Variants in PI4KA observed in about 807,000 individuals in gnomAD.
PI4KA encodes PI4-kinase alpha.
Under a neutral mutation model 271.4 loss-of-function variants are expected in PI4KA, and 122 were observed. The ratio of observed to expected loss-of-function variants is 0.45; its 90% CI spans 0.39 to 0.52. PI4KA has a LOEUF of 0.52. PI4KA is among the 20% of genes least tolerant of loss of function. The pLI is 0.00. For synonymous variants in PI4KA, 1,041 were observed against 1,078.8 expected (o/e 0.96, Z 0.69); for missense variants, 1,969 against 2,769.1 (o/e 0.71, Z 6.48).
At chr22:20,833,357 T>G (rs1026629574) in intron 3 of PI4KA, among the ~76,000 whole-genome samples, 2 of 152,212 alleles carry the variant, frequency 1.3e-5, no homozygotes, top group African/African-American at 4.8e-5. Context: ...TATTTGCTTG[T>G]GACAGCAGCA....
At chr22:20,843,670 C>T (rs150640577) in intron 1 of PI4KA, among the ~76,000 whole-genome samples, 2 of 152,260 alleles carry the variant, frequency 1.3e-5, no homozygotes, top group East Asian at 3.9e-4. Flanking sequence ...AGCAAACGTT[C>T]ACTTTCAGGC....
At chr22:20,787,595 C>G (rs1011602536) in intron 19 of PI4KA, 1 of 180,100 alleles carries the variant, frequency 5.6e-6, no homozygotes. Flanking sequence ...TTTCTCAAAG[C>G]CTGACCTTTC....
intron 19 of PI4KA, chr22:20,787,450 G>A (rs1043711535): frequency 1.5e-5 from 5 of 342,598 alleles, no homozygotes; most frequent in South Asian, 2.4e-5. Flanking sequence ...TGAATACCAA[G>A]CACAGAAATG....
In PI4KA at chr22:20,727,382, G is replaced by A; in HGVS notation, c.4789C>T (p.His1597Tyr). The change falls in exon 41 of 55, where the codon CAC (histidine) becomes TAC (tyrosine). Residue 1597 changes from histidine to tyrosine, a missense_variant. Transcript: ENST00000255882. ...PEAIKFLVTWHTIDADAPELS... is the reference protein window; with the variant it reads ...PEAIKFLVTWYTIDADAPELS... ...TCTGGAGCATCGGCGTCGATGGTGT[G>A]CCAGGTGACCAGGAACTGCAGAGAA... is the stretch of plus-strand genomic sequence containing the variant. 6.2e-7 allele frequency: 1 copy of A among 1,605,150 alleles called. No homozygotes were observed. The highest frequency in any genetic ancestry group is 8.5e-7 in the Non-Finnish European group (1 of 1,175,940).
chr22:20,768,677 C>T (rs1205959290), intron 19 of PI4KA, among the ~76,000 whole-genome samples: 4 of 152,188 alleles, frequency 2.6e-5, no homozygotes, highest in African/African-American at 9.7e-5. Flanking sequence ...GAAGGCTCCA[C>T]ACCTCTGCTT....
At chr22:20,810,871 C>T in intron 9 of PI4KA, 96 bp downstream of exon 9, 1 of 910,244 alleles carries the variant, frequency 1.1e-6, no homozygotes, top group South Asian at 1.3e-5. Context: ...ACTGCAAAAC[C>T]CCTTCCACTC....
At chr22:20,785,939 A>C in intron 19 of PI4KA, 1 of 1,591,166 alleles carries the variant, frequency 6.3e-7, no homozygotes, top group Non-Finnish European at 8.6e-7. Flanking sequence ...TTTAAAGGGA[A>C]AATCATGATT....
chr22:20,843,391 G>A (rs178059), intron 1 of PI4KA, among the ~76,000 whole-genome samples: 57,786 of 151,886 alleles, frequency 0.38, 11,481 homozygotes, highest in African/African-American at 0.48. Flanking sequence ...TCGGGGATCC[G>A]AGGAGGGAAG....
Position 20,732,161 on chromosome 22 carries a change from A to G in PI4KA, c.4288+810T>C, listed in dbSNP as rs577360740. Among the ~76,000 whole-genome samples the G allele has an allele frequency of 2.2e-4, 34 of 152,036 alleles. 1 individual carries two copies. Among genetic ancestry groups the G allele is most frequent in the African/African-American group, 7.7e-4 (32 of 41,486 alleles). On this transcript the variant is annotated intron_variant, in intron 36 of 54. Coordinates refer to ENST00000255882, the MANE Select transcript of PI4KA (RefSeq NM_058004.4). Reference sequence around the variant, plus strand: ...TGCACTCCAGCCTGGGCGACAGATCAATACTCTGTCTCAAAAAAATAAAAT... The same window carrying G: ...TGCACTCCAGCCTGGGCGACAGATCGATACTCTGTCTCAAAAAAATAAAAT...
rs1924615404 is a variant in PI4KA, at chr22:20,834,551, T to C, written c.367+11A>G. 4 of 1,504,006 alleles carry C rather than the reference T, an allele frequency of 2.7e-6. No individual in the cohort carries two copies. Among genetic ancestry groups the C allele is most frequent in the East Asian group, 4.5e-5 (2 of 44,364 alleles). 93.2% of individuals were successfully genotyped at this position (1,504,006 alleles called of 1,614,324 possible). On this transcript the variant is annotated intron_variant, in intron 3 of 54. Coordinates refer to ENST00000255882, the MANE Select transcript of PI4KA (RefSeq NM_058004.4). ...TCTCTTATATTCAGGGAAAACATTATATACAATTACCTCTGCCTTTCCGAG... is the reference window on the plus strand; with the variant it reads ...TCTCTTATATTCAGGGAAAACATTACATACAATTACCTCTGCCTTTCCGAG...
intron 26 of PI4KA, 109 bp downstream of exon 26, chr22:20,751,565 G>A (rs1454448929): frequency 4.7e-6 from 5 of 1,056,550 alleles, no homozygotes; most frequent in African/African-American, 4.7e-5. Context: ...CATTAATTAT[G>A]TTCAGGCTTA....
rs75388890 is a variant in PI4KA at position 20,718,401 on chromosome 22, G to A, written c.5246+292C>T. Among the ~76,000 whole-genome samples, 138 of 152,294 alleles carry A rather than the reference G, an allele frequency of 9.1e-4. 3 individuals are homozygous for A. In the East Asian group the frequency reaches 0.023, roughly 25 times the overall value. The stretch of plus-strand genomic sequence containing the variant: ...AGAGGGCAGGGTGGCCTCAAATTGT[G>A]GAGCCATGTGCTAAATTCCACAAAC... On this transcript the variant is annotated intron_variant, in intron 44 of 54. Transcript: ENST00000255882.
chr22:20,796,424 C>A, intron 17 of PI4KA, 110 bp from the exon 18 acceptor site: 1 of 884,616 alleles, frequency 1.1e-6, no homozygotes. Flanking sequence ...GCCTGCCTTA[C>A]CACACTCCTC....
intron 19 of PI4KA, chr22:20,779,591 C>T (rs1021150977): frequency 1.1e-5 from 17 of 1,614,106 alleles, no homozygotes; most frequent in African/African-American, 2.7e-5. Flanking sequence ...ACGACTACAT[C>T]GACATCGTCG....
At chr22:20,852,016 C>G (rs949338886) in intron 1 of PI4KA, among the ~76,000 whole-genome samples, 2 of 152,034 alleles carry the variant, frequency 1.3e-5, no homozygotes, top group African/African-American at 2.4e-5. Flanking sequence ...CCCAGCTACT[C>G]GGGAGGCTGA....
intron 2 of PI4KA, among the ~76,000 whole-genome samples, chr22:20,837,795 G>T (rs1470795694): frequency 6.6e-6 from 1 of 152,082 alleles, no homozygotes; most frequent in Admixed American, 6.6e-5. Flanking sequence ...TACAGGGCTA[G>T]ATTTTAAGTC....
chr22:20,783,182 C>T (rs1320431294), intron 19 of PI4KA, among the ~76,000 whole-genome samples: 2 of 152,156 alleles, frequency 1.3e-5, no homozygotes, highest in Non-Finnish European at 2.9e-5. Context: ...TAGACATGGG[C>T]TTATTCCTGG....
chr22:20,830,873 G>A (rs1924067222), intron 3 of PI4KA, among the ~76,000 whole-genome samples: 1 of 152,162 alleles, frequency 6.6e-6, no homozygotes, highest in Non-Finnish European at 1.5e-5. Flanking sequence ...CTGGGTTCAA[G>A]TGATTCTCCT....
intron 19 of PI4KA, chr22:20,779,162 T>C (rs1933540937): frequency 6.5e-7 from 1 of 1,544,986 alleles, no homozygotes; most frequent in African/African-American, 1.4e-5. Context: ...AAGTCCATGA[T>C]CCTAAAACAG....
Sources: gnomAD v4.1 joint callset for allele counts (sites outside exome capture counted in the v4.1 genomes callset) on GRCh38, gnomAD v4.1.1 for gene constraint, MANE v1.5 for transcripts, NCBI Gene and HGNC (gene_info 2026-07-23, HGNC 2026-07-21) for gene names.